Variants in FSTL4 observed in about 807,000 individuals in gnomAD.
FSTL4 encodes follistatin-related protein 4.
In FSTL4, 28 loss-of-function variants were observed where a neutral mutation model predicts 78.2. That is an observed-to-expected ratio of 0.36 (90% CI 0.27 to 0.49). The LOEUF is 0.49. FSTL4 is among the 20% of genes least tolerant of loss of function. FSTL4 has a pLI of 0.98. For missense variants in FSTL4, 922 were observed against 1,084.9 expected, an observed-to-expected ratio of 0.85 and a Z score of 2.11; for synonymous variants, 422 against 440.5, an observed-to-expected ratio of 0.96 and a Z score of 0.53.
intron 2 of FSTL4, among the ~76,000 whole-genome samples, chr5:133,593,815 A>G (rs1166646569): frequency 3.3e-5 from 5 of 152,218 alleles, no homozygotes; most frequent in African/African-American, 1.2e-4. Context: ...TATACAGACT[A>G]GAAAAAGATC....
the FSTL4 span, among the ~76,000 whole-genome samples, chr5:133,834,971 G>A: frequency 1.3e-5 from 2 of 151,910 alleles, no homozygotes; most frequent in East Asian, 1.9e-4. Context: ...ATTCTACACT[G>A]AACATATATG....
intron 3 of FSTL4, among the ~76,000 whole-genome samples, chr5:133,474,143 G>A (rs1181686015): frequency 1.3e-5 from 2 of 152,168 alleles, no homozygotes; most frequent in African/African-American, 4.8e-5. Context: ...TTCAGGGGGA[G>A]CTGAGACATG....
chr5:133,342,968 A>G (rs1347473557), intron 4 of FSTL4, among the ~76,000 whole-genome samples: 1 of 152,076 alleles, frequency 6.6e-6, no homozygotes, highest in East Asian at 1.9e-4. Context: ...GCTTCTCACC[A>G]TCTCTAGAAA....
intron 7 of FSTL4, among the ~76,000 whole-genome samples, chr5:133,235,047 C>T (rs1031138869): frequency 6.6e-6 from 1 of 152,118 alleles, no homozygotes; most frequent in African/African-American, 2.4e-5. Context: ...GCCGTGGTGG[C>T]ATGAGGGCTA....
the FSTL4 span, among the ~76,000 whole-genome samples, chr5:133,716,604 G>A: frequency 6.6e-5 from 10 of 152,108 alleles, no homozygotes; most frequent in South Asian, 2.1e-3. Context: ...TTTGGAGGGT[G>A]CTTGTCACTG....
the FSTL4 span, among the ~76,000 whole-genome samples, chr5:133,814,133 C>T: frequency 1.3e-5 from 2 of 152,222 alleles, no homozygotes; most frequent in South Asian, 4.1e-4. Flanking sequence ...TAATACTTCT[C>T]AGGCTTGCCT....
the FSTL4 span, among the ~76,000 whole-genome samples, chr5:133,839,781 C>T: frequency 1.3e-5 from 2 of 152,330 alleles, no homozygotes; most frequent in African/African-American, 4.8e-5. Flanking sequence ...GGGCCATGTA[C>T]CATTTTCCAA....
intron 1 of FSTL4, among the ~76,000 whole-genome samples, chr5:133,604,822 C>T (rs1580817645): frequency 6.6e-6 from 1 of 152,212 alleles, no homozygotes; most frequent in East Asian, 1.9e-4. Context: ...GGTCTAATAT[C>T]TTAGTTTCAA....
At chr5:133,260,908 T>G (rs1026283100) in intron 6 of FSTL4, among the ~76,000 whole-genome samples, 13 of 151,922 alleles carry the variant, frequency 8.6e-5, no homozygotes, top group African/African-American at 2.9e-4. Flanking sequence ...AGTGGAAACG[T>G]GGAGTAAGGA....
At chr5:133,505,614 G>A (rs1272121972) in intron 3 of FSTL4, among the ~76,000 whole-genome samples, 1 of 152,164 alleles carries the variant, frequency 6.6e-6, no homozygotes, top group East Asian at 1.9e-4. Context: ...ATTTCCACTG[G>A]GATGAAGATA....
In FSTL4 at chr5:133,591,698, G is replaced by A. The variant is rs192202142; in HGVS notation, c.126+12160C>T. Among the ~76,000 whole-genome samples, 51 of 152,166 alleles carry A rather than the reference G, an allele frequency of 3.4e-4. 1 individual carries two copies. Among genetic ancestry groups the A allele is most frequent in the Non-Finnish European group, 1.2e-4 (8 of 68,018 alleles). On this transcript the variant is annotated intron_variant, in intron 2 of 15. Transcript: ENST00000265342. ...ACAGAACTCAAATGAGACAGTCTGG[G>A]GCCCAGAGCTGCAGCAAGGGCTACA... is the stretch of plus-strand genomic sequence containing the variant.
intron 4 of FSTL4, among the ~76,000 whole-genome samples, chr5:133,340,190 C>T (rs538272142): frequency 1.2e-4 from 19 of 152,312 alleles, no homozygotes; most frequent in African/African-American, 4.3e-4. Context: ...TAACCTCTGT[C>T]CTGTAATTGC....
intron 6 of FSTL4, among the ~76,000 whole-genome samples, chr5:133,258,735 A>G (rs1030410757): frequency 6.6e-6 from 1 of 152,144 alleles, no homozygotes; most frequent in Admixed American, 6.5e-5. Flanking sequence ...AGCCTTTACT[A>G]TACTACACTA....
chr5:133,501,699 A>G (rs1393471596), intron 3 of FSTL4, among the ~76,000 whole-genome samples: 4 of 152,240 alleles, frequency 2.6e-5, no homozygotes, highest in African/African-American at 9.6e-5. Flanking sequence ...ATGAAGTACC[A>G]TTCATGTGAT....
chr5:133,837,598 G>A, the FSTL4 span, among the ~76,000 whole-genome samples: 1 of 152,192 alleles, frequency 6.6e-6, no homozygotes, highest in Non-Finnish European at 1.5e-5. Flanking sequence ...TAACTGAGCT[G>A]ATTTAATGAT....
rs546044863 is a variant in FSTL4 at position 133,383,781 on chromosome 5, C to T, written c.409+16957G>A. Reference sequence around the variant, plus strand: ...ATACCCAGATTCCCATGTCTTTGAACTCAGCAGCTTGCTGGTCGAGGCGTG... The same window carrying T: ...ATACCCAGATTCCCATGTCTTTGAATTCAGCAGCTTGCTGGTCGAGGCGTG... On this transcript the variant is annotated intron_variant, in intron 4 of 15. Transcript: ENST00000265342. 2.0e-5 allele frequency among the ~76,000 whole-genome samples: 3 copies of T among 152,328 alleles called. No homozygotes were observed. In the South Asian group the frequency reaches 6.2e-4, roughly 32 times the overall value.
intron 6 of FSTL4, among the ~76,000 whole-genome samples, chr5:133,255,452 TG>T (rs1236521441): frequency 6.6e-6 from 1 of 152,168 alleles, no homozygotes; most frequent in Non-Finnish European, 1.5e-5. Context: ...TGAAAACAAA[TG>T]GGTCACACTG....
At chr5:133,429,776 C>A (rs1398609263) in intron 3 of FSTL4, among the ~76,000 whole-genome samples, 1 of 152,184 alleles carries the variant, frequency 6.6e-6, no homozygotes, top group Admixed American at 6.5e-5. Context: ...CGTGAGGCAT[C>A]CACCTTCAGC....
At chr5:133,773,357 C>T in the FSTL4 span, among the ~76,000 whole-genome samples, 1 of 152,038 alleles carries the variant, frequency 6.6e-6, no homozygotes, top group Non-Finnish European at 1.5e-5. Flanking sequence ...GAAGAATGCT[C>T]TGCTCTGTGC....
Sources: allele counts gnomAD v4.1 joint callset (sites outside exome capture counted in the v4.1 genomes callset), GRCh38; gene constraint gnomAD v4.1.1; transcripts MANE v1.5; gene names NCBI Gene and HGNC (gene_info 2026-07-23, HGNC 2026-07-21).